The following DSCAML1 variants were observed in gnomAD, a reference collection of about 807,000 sequenced individuals.
DSCAML1 encodes the protein DS cell adhesion molecule like 1, also known as cell adhesion molecule DSCAML1.
A neutral mutation model predicts 200.5 loss-of-function variants in DSCAML1; 38 were observed. That is an observed-to-expected ratio of 0.19 (90% CI 0.15 to 0.25). The LOEUF (loss-of-function observed/expected upper bound fraction) is 0.25, where lower values mean the gene tolerates loss of function less well. Among genes scored for constraint, DSCAML1 ranks in the 10% least tolerant of loss-of-function variants. The probability of loss-of-function intolerance (pLI) is 1.00; values close to 1 mark genes in which losing one functional copy is unlikely to be tolerated. For missense variants in DSCAML1, 2,223 were observed against 2,858.8 expected (o/e 0.78, Z 5.07); for synonymous variants, 1,215 against 1,165.0 (o/e 1.04, Z -0.87).
At chr11:117,612,221 G>A (rs145372340) in intron 3 of DSCAML1, among the ~76,000 whole-genome samples, 1 of 152,312 alleles carries the variant, frequency 6.6e-6, no homozygotes, top group African/African-American at 2.4e-5. Flanking sequence ...TCCAGAAAGA[G>A]CTCCACTGGG....
At chr11:117,521,074 G>A in intron 6 of DSCAML1, 56 bp downstream of exon 6, 1 of 1,585,726 alleles carries the variant, frequency 6.3e-7, no homozygotes, top group South Asian at 1.1e-5. Flanking sequence ...GCAGAAGGGA[G>A]GGAATGAGCT....
rs769040302 is a variant in DSCAML1, at chr11:117,481,244, A to T, written c.2586T>A (p.Ser862=). Residue 862 remains serine, a synonymous_variant, in exon 13 of 33, where the codon TCT becomes TCA. Transcript: ENST00000651296. Reference sequence around the variant, plus strand: ...TGATGGCATGGCAGCTGAAGAACACAGAGTCCCCACGGTCAGCGGGCTTGA... The same window carrying T: ...TGATGGCATGGCAGCTGAAGAACACTGAGTCCCCACGGTCAGCGGGCTTGA... The part of the protein sequence containing the change: ...LKLKPADRGD[S]VFFSCHAINS... 6.2e-7 allele frequency: 1 copy of T among 1,613,868 alleles called. No individual in the cohort carries two copies. The highest frequency in any genetic ancestry group is 8.5e-7 in the Non-Finnish European group (1 of 1,179,978).
chr11:117,480,311 G>A lies in DSCAML1; in HGVS notation c.2785+132C>T, dbSNP rs2048885878. 1.5e-6 allele frequency: 2 copies of A among 1,361,112 alleles called. No individual in the cohort carries two copies. The highest frequency in any genetic ancestry group is 5.1e-5 in the East Asian group (2 of 39,316). 84.3% of individuals were successfully genotyped at this position (1,361,112 alleles called of 1,614,324 possible). A position where few individuals can be genotyped will look rare whatever the true frequency, so the allele number is the denominator to read the frequency against. On this transcript the variant is annotated intron_variant, in intron 14 of 32. Transcript: ENST00000651296. This position sits in a 1 kb window ranked among gnomAD's most constrained non-coding sequence, Gnocchi z 4.1. ...AAGCCACAGCTGCTTGTGCACTGGT[G>A]GGTGCTTGTGTGTCTAGCTTGGATG...
At chr11:117,468,148 A>G (rs2048620264) in intron 16 of DSCAML1, among the ~76,000 whole-genome samples, 1 of 152,190 alleles carries the variant, frequency 6.6e-6, no homozygotes, top group Non-Finnish European at 1.5e-5. Flanking sequence ...ATTTAAATCA[A>G]TCTTAACAAT....
intron 3 of DSCAML1, among the ~76,000 whole-genome samples, chr11:117,708,873 A>G (rs900636914): frequency 6.6e-5 from 10 of 152,188 alleles, no homozygotes; most frequent in African/African-American, 2.4e-4. Flanking sequence ...GTAGGCTCCC[A>G]TTACATGCTG....
At chr11:117,629,326 G>A (rs548397101) in intron 3 of DSCAML1, among the ~76,000 whole-genome samples, 41 of 152,198 alleles carry the variant, frequency 2.7e-4, no homozygotes, top group Admixed American at 2.0e-3. Context: ...CTGAGTGTCC[G>A]CCATTACCTC....
At chr11:117,782,567 GC>G (rs1305963499) in intron 1 of DSCAML1, among the ~76,000 whole-genome samples, 1 of 152,198 alleles carries the variant, frequency 6.6e-6, no homozygotes. Flanking sequence ...CTGGAAGCAT[GC>G]CCAACTTGCT....
In DSCAML1 at chr11:117,617,861, A is replaced by G. The variant is rs546823282; in HGVS notation, c.512-85339T>C. 7.2e-5 allele frequency among the ~76,000 whole-genome samples: 11 copies of G among 152,128 alleles called. No homozygotes were observed. In the South Asian group the frequency reaches 2.3e-3, roughly 32 times the overall value. On this transcript the variant is annotated intron_variant, in intron 3 of 32. Coordinates refer to ENST00000651296, the MANE Select transcript of DSCAML1 (RefSeq NM_020693.4). ...GTGCCTCCCCTCGCTACCCCCTACC[A>G]GGTAGGAGGAGGGGTCGGCAGGGCC...
At chr11:117,674,025 C>T (rs1290974950) in intron 3 of DSCAML1, among the ~76,000 whole-genome samples, 1 of 152,228 alleles carries the variant, frequency 6.6e-6, no homozygotes, top group Admixed American at 6.5e-5. Context: ...AGGCTCATTC[C>T]TGTGGTGGGT....
intron 17 of DSCAML1, 86 bp downstream of exon 17, chr11:117,464,856 C>A: frequency 1.9e-6 from 3 of 1,554,906 alleles, no homozygotes; most frequent in Non-Finnish European, 2.6e-6. Context: ...CAGGGGCAAA[C>A]AGAGGGACCC....
At chr11:117,570,991 T>C (rs2050839829) in intron 3 of DSCAML1, among the ~76,000 whole-genome samples, 1 of 152,266 alleles carries the variant, frequency 6.6e-6, no homozygotes, top group Non-Finnish European at 1.5e-5. Flanking sequence ...GGGTAGATGC[T>C]AAGCTTTATA....
At position 117,438,015 on chromosome 11, in the gene DSCAML1, G is replaced by C; in HGVS notation, c.4312C>G (p.Arg1438Gly). Reference sequence around the variant, plus strand: ...TTGAGGCTGTCCAGCTTGAAGGAGCGCTCGCTGGAGCTGATGAACACATCC... The same window carrying C: ...TTGAGGCTGTCCAGCTTGAAGGAGCCCTCGCTGGAGCTGATGAACACATCC... The part of the protein sequence containing the change: ...WKDVFISSSE[R>G]SFKLDSLKCG... The change falls in exon 25 of 33, where the codon CGC (arginine) becomes GGC (glycine). Residue 1438 changes from arginine (R) to glycine (G), a missense_variant. Arg to Gly is a moderately radical substitution (Grantham distance 125). Coordinates refer to ENST00000651296, the MANE Select transcript of DSCAML1 (RefSeq NM_020693.4). 5.0e-6 allele frequency: 8 copies of C among 1,614,094 alleles called. No individual in the cohort carries two copies. The highest frequency in any genetic ancestry group is 6.8e-6 in the Non-Finnish European group (8 of 1,180,004).
intron 3 of DSCAML1, among the ~76,000 whole-genome samples, chr11:117,669,339 G>T (rs1591381874): frequency 6.6e-6 from 1 of 152,228 alleles, no homozygotes; most frequent in South Asian, 2.1e-4. Flanking sequence ...CTCTGAGAAA[G>T]CTCTGCCTCA....
intron 3 of DSCAML1, among the ~76,000 whole-genome samples, chr11:117,557,322 G>A (rs1432468718): frequency 1.3e-5 from 2 of 152,132 alleles, no homozygotes; most frequent in Admixed American, 6.5e-5. Context: ...AAGAGACGTG[G>A]GGCTCTGAAG....
At chr11:117,775,148 C>T (rs540710139) in intron 3 of DSCAML1, among the ~76,000 whole-genome samples, 1 of 152,252 alleles carries the variant, frequency 6.6e-6, no homozygotes, top group African/African-American at 2.4e-5. Context: ...TGCCAAGGTC[C>T]GAGGTACCTC....
chr11:117,676,145 G>GA (rs547018255), intron 3 of DSCAML1, among the ~76,000 whole-genome samples: 3 of 147,130 alleles, frequency 2.0e-5, no homozygotes, highest in Admixed American at 6.8e-5. Flanking sequence ...CAAATTGGCA[G>GA]AAAAAAAATC....
intron 3 of DSCAML1, among the ~76,000 whole-genome samples, chr11:117,708,077 C>T (rs2053784781): frequency 6.6e-6 from 1 of 152,192 alleles, no homozygotes; most frequent in Non-Finnish European, 1.5e-5. Context: ...ATGTCTTCAA[C>T]ACCTCCTGCC....
chr11:117,444,422 G>A (rs1463432394), intron 20 of DSCAML1, among the ~76,000 whole-genome samples: 3 of 152,108 alleles, frequency 2.0e-5, no homozygotes, highest in Non-Finnish European at 2.9e-5. Flanking sequence ...CAGGAAGAAG[G>A]CAAATGACTG....
intron 11 of DSCAML1, among the ~76,000 whole-genome samples, chr11:117,499,777 T>C (rs1187751622): frequency 6.6e-6 from 1 of 152,242 alleles, no homozygotes; most frequent in Middle Eastern, 3.4e-3. Flanking sequence ...TTGGGCCTGG[T>C]TGGTTGCCAT....
Sources: allele counts gnomAD v4.1 joint callset (sites outside exome capture counted in the v4.1 genomes callset), GRCh38; gene constraint gnomAD v4.1.1; non-coding constraint Gnocchi (gnomAD v3.1); transcripts MANE v1.5; gene names NCBI Gene and HGNC (gene_info 2026-07-23, HGNC 2026-07-21).